DNTT: variants seen among roughly 807,000 people sequenced by gnomAD.
DNTT encodes the protein nucleosidetriphosphate:DNA deoxynucleotidylexotransferase.
Under a neutral mutation model 60.9 loss-of-function variants are expected in DNTT, and 47 were observed. That is an observed-to-expected ratio of 0.77 (90% CI 0.61 to 0.98). The LOEUF is 0.98. DNTT is among the 50% of genes least tolerant of loss of function. The probability of loss-of-function intolerance (pLI) is 0.00; values close to 1 mark genes in which losing one functional copy is unlikely to be tolerated. For missense variants in DNTT, 665 were observed against 627.5 expected (o/e 1.06, Z -0.64); for synonymous variants, 224 against 221.2 (o/e 1.01, Z -0.11).
In DNTT at chr10:96,331,557, C is replaced by T. The variant is rs147882884; in HGVS notation, c.1114-794C>T. On this transcript the variant is annotated intron_variant, in intron 8 of 10. Transcript: ENST00000371174. ...GGCTCTTTGTAACCCCCAGCTTTCACGGGAGCTAACAAAGTGAGAACTCAC... is the reference window on the plus strand; with the variant it reads ...GGCTCTTTGTAACCCCCAGCTTTCATGGGAGCTAACAAAGTGAGAACTCAC... Among the ~76,000 whole-genome samples the T allele has an allele frequency of 2.3e-3, 353 of 152,142 alleles. 2 individuals carry two copies. Among genetic ancestry groups the T allele is most frequent in the Middle Eastern group, 3.4e-3 (1 of 294 alleles).
chr10:96,318,333 T>C lies in DNTT; in HGVS notation c.204-19T>C, dbSNP rs964863830. 2 of 1,595,320 alleles carry C rather than the reference T, an allele frequency of 1.3e-6. No homozygotes were observed. The highest frequency in any genetic ancestry group is 4.5e-5 in the East Asian group (2 of 44,476). On this transcript the variant is annotated intron_variant, in intron 1 of 10. Coordinates refer to ENST00000371174, the MANE Select transcript of DNTT (RefSeq NM_004088.4). ...TTTGAAAGATGTTTCAGCTGGTAAC[T>C]CTGTCTTGCATTTTGCAGTGATTCT...
At chr10:96,319,428 G>T in intron 3 of DNTT, 38 bp downstream of exon 3, 1 of 1,604,840 alleles carries the variant, frequency 6.2e-7, no homozygotes, top group Non-Finnish European at 8.5e-7. Flanking sequence ...GGCAAACGAA[G>T]GGCTTGCAGC....
chr10:96,321,760 G>A (rs933687293), intron 4 of DNTT, among the ~76,000 whole-genome samples: 2 of 152,036 alleles, frequency 1.3e-5, no homozygotes, highest in African/African-American at 4.8e-5. Context: ...CCTGATGGTC[G>A]CCTGACATTC....
At chr10:96,322,412 G>T (rs1187936576) in intron 4 of DNTT, among the ~76,000 whole-genome samples, 3 of 152,118 alleles carry the variant, frequency 2.0e-5, no homozygotes, top group Non-Finnish European at 4.4e-5. Context: ...CTGTAGATCT[G>T]GATCCTAACC....
intron 8 of DNTT, among the ~76,000 whole-genome samples, chr10:96,331,282 TATA>T (rs1845003569): frequency 6.6e-6 from 1 of 152,164 alleles, no homozygotes; most frequent in South Asian, 2.1e-4. Context: ...TGGTCATCAG[TATA>T]ATATGAAGGG....
At position 96,304,683 on chromosome 10, in the gene DNTT, G is replaced by T. The variant is rs764403515; in HGVS notation, c.186G>T (p.Arg62Ser). 2.7e-5 allele frequency: 44 copies of T among 1,613,846 alleles called. No individual in the cohort carries two copies. In the Admixed American group the frequency reaches 4.7e-4, roughly 17 times the overall value. ...LMELARRKGFRVENELSDSVT... is the reference protein window; with the variant it reads ...LMELARRKGFSVENELSDSVT... Reference sequence around the variant, plus strand: ...AGCTGGCCCGCAGGAAAGGGTTCAGGGTTGAAAATGAGCTCAGGTAGGACA... The same window carrying T: ...AGCTGGCCCGCAGGAAAGGGTTCAGTGTTGAAAATGAGCTCAGGTAGGACA... Residue 62 changes from arginine to serine, a missense_variant, in exon 1 of 11, where the codon AGG (arginine) becomes AGT (serine). By Grantham distance (110) the Arg-to-Ser change is moderately radical (BLOSUM62 -1). Coordinates refer to ENST00000371174, the MANE Select transcript of DNTT (RefSeq NM_004088.4).
chr10:96,308,632 T>C (rs1031941507), intron 1 of DNTT, among the ~76,000 whole-genome samples: 6 of 152,212 alleles, frequency 3.9e-5, no homozygotes, highest in Admixed American at 3.9e-4. Flanking sequence ...ACAGGCATTG[T>C]GTGAGCAACA....
rs558983611 is a variant in DNTT, at chr10:96,321,022, T to C, written c.678+234T>C. Among the ~76,000 whole-genome samples the C allele has an allele frequency of 4.6e-5, 7 of 151,980 alleles. No homozygotes were observed. In the South Asian group the frequency reaches 1.5e-3, roughly 32 times the overall value. ...CATACACATATATATATGTTAGGGG[T>C]TGTGAATATCCTAGTCACATGGCAC... On this transcript the variant is annotated intron_variant, in intron 4 of 10. Coordinates refer to ENST00000371174, the MANE Select transcript of DNTT (RefSeq NM_004088.4).
intron 10 of DNTT, among the ~76,000 whole-genome samples, chr10:96,337,450 G>A (rs1004059379): frequency 6.6e-6 from 1 of 152,244 alleles, no homozygotes; most frequent in Admixed American, 6.5e-5. Context: ...GTGGATGCTG[G>A]CAGGAAAGCC....
At chr10:96,330,463 T>C (rs1416747960) in intron 8 of DNTT, among the ~76,000 whole-genome samples, 1 of 152,204 alleles carries the variant, frequency 6.6e-6, no homozygotes, top group Non-Finnish European at 1.5e-5. Flanking sequence ...TTTCAGCAAG[T>C]TTCCTTAAAA....
intron 5 of DNTT, among the ~76,000 whole-genome samples, chr10:96,322,995 C>A (rs554643277): frequency 6.6e-6 from 1 of 152,204 alleles, no homozygotes; most frequent in South Asian, 2.1e-4. Flanking sequence ...AACAAGCAAT[C>A]TTTCTGGTGT....
chr10:96,327,080 CAT>C (rs1343584857), intron 6 of DNTT, among the ~76,000 whole-genome samples: 5 of 152,188 alleles, frequency 3.3e-5, no homozygotes, highest in African/African-American at 1.2e-4. Flanking sequence ...TTAATGGATC[CAT>C]CACCTTCCAA....
intron 1 of DNTT, among the ~76,000 whole-genome samples, chr10:96,307,021 C>G (rs1844646572): frequency 6.6e-6 from 1 of 152,218 alleles, no homozygotes; most frequent in African/African-American, 2.4e-5. Flanking sequence ...TCCCCTCTCT[C>G]CCGACTGATT....
At chr10:96,327,401 T>C in intron 6 of DNTT, 67 bp from the exon 7 acceptor site, 1 of 1,611,892 alleles carries the variant, frequency 6.2e-7, no homozygotes, top group Admixed American at 1.7e-5. Flanking sequence ...AGAATCCCCT[T>C]CTACTGAGGG....
At chr10:96,317,965 A>T (rs974986246) in intron 1 of DNTT, among the ~76,000 whole-genome samples, 7 of 152,196 alleles carry the variant, frequency 4.6e-5, no homozygotes, top group African/African-American at 1.7e-4. Flanking sequence ...GTCACTGTCA[A>T]ACAAGTTTGA....
Position 96,329,675 on chromosome 10 carries a change from G to C in DNTT, c.1113+845G>C, listed in dbSNP as rs1844983008. On this transcript the variant is annotated intron_variant, in intron 8 of 10. Coordinates refer to ENST00000371174, the MANE Select transcript of DNTT (RefSeq NM_004088.4). ...TAGGGCCAGGGGCACTGGAAGTGAA[G>C]ACTCAACTTTAGAACCAGATCCAAA... is the stretch of plus-strand genomic sequence containing the variant. 2.6e-5 allele frequency among the ~76,000 whole-genome samples: 4 copies of C among 152,208 alleles called. No homozygotes were observed. The South Asian group carries it at 8.3e-4, about 32-fold the overall frequency.
intron 1 of DNTT, among the ~76,000 whole-genome samples, chr10:96,316,388 C>T (rs1564870649): frequency 6.6e-6 from 1 of 152,100 alleles, no homozygotes; most frequent in Non-Finnish European, 1.5e-5. Context: ...CCCCATTACG[C>T]TCCCCTCCAA....
chr10:96,307,575 C>T (rs1196203392), intron 1 of DNTT, among the ~76,000 whole-genome samples: 2 of 149,360 alleles, frequency 1.3e-5, no homozygotes, highest in African/African-American at 2.4e-5. Flanking sequence ...AGGATGGTCT[C>T]GATCTCTTGA....
intron 3 of DNTT, among the ~76,000 whole-genome samples, chr10:96,320,350 A>C (rs1479079851): frequency 6.6e-6 from 1 of 152,222 alleles, no homozygotes; most frequent in Non-Finnish European, 1.5e-5. Flanking sequence ...TGAGCACCAA[A>C]GCATTTTTTA....
Sources: allele counts gnomAD v4.1 joint callset (sites outside exome capture counted in the v4.1 genomes callset), GRCh38; gene constraint gnomAD v4.1.1; transcripts MANE v1.5; gene names NCBI Gene and HGNC (gene_info 2026-07-23, HGNC 2026-07-21).